The following DLGAP1 variants were observed in gnomAD, a reference collection of about 807,000 sequenced individuals.
DLGAP1 encodes DLG associated protein 1, also known as disks large-associated protein 1.
Under a neutral mutation model 90.8 loss-of-function variants are expected in DLGAP1, and 11 were observed. The ratio of observed to expected loss-of-function variants is 0.12; its 90% confidence interval spans 0.08 to 0.20. The LOEUF (loss-of-function observed/expected upper bound fraction) is 0.20. DLGAP1 is among the 10% of genes least tolerant of loss of function. The pLI is 1.00. For synonymous variants in DLGAP1, 558 were observed against 540.7 expected (o/e 1.03, Z -0.44); for missense variants, 1,050 against 1,333.8 (o/e 0.79, Z 3.31).
chr18:3,992,268 T>A (rs1018372102), intron 3 of DLGAP1, among the ~76,000 whole-genome samples: 1 of 152,250 alleles, frequency 6.6e-6, no homozygotes, highest in Non-Finnish European at 1.5e-5. Flanking sequence ...TAGGGAAGTC[T>A]GCAGGCCCTA....
chr18:3,597,788 T>TTGCCGAGAG, intron 7 of DLGAP1: 1 of 156,734 alleles, frequency 6.4e-6, no homozygotes. Flanking sequence ...CACCGTTCCT[T>TTGCCGAGAG]CCTGTTGGTG....
Position 3,739,882 on chromosome 18 carries a change from AC to A in DLGAP1, c.1350+2452del, listed in dbSNP as rs571629472. Among the ~76,000 whole-genome samples the A allele has an allele frequency of 3.4e-4, 52 of 152,354 alleles. 2 individuals are homozygous for A. The South Asian group carries it at 9.7e-3, about 28-fold the overall frequency. On this transcript the variant is annotated intron_variant, in intron 6 of 12. Transcript: ENST00000315677. ...CAGCTGGCCATTCTTTCTGTATTTT[AC>A]CTAAGGCCGAATGGCTACGTCATGG...
chr18:4,141,204 G>T (rs1209604366), intron 2 of DLGAP1, among the ~76,000 whole-genome samples: 1 of 151,808 alleles, frequency 6.6e-6, no homozygotes, highest in Non-Finnish European at 1.5e-5. Flanking sequence ...TCTAGATCTT[G>T]TAGGTATACT....
chr18:4,170,577 T>C (rs2077006375), intron 1 of DLGAP1, among the ~76,000 whole-genome samples: 1 of 151,914 alleles, frequency 6.6e-6, no homozygotes, highest in African/African-American at 2.4e-5. Context: ...ATATGAGATA[T>C]AAGAGATAGG....
chr18:3,804,630 A>G (rs919151882), intron 5 of DLGAP1, among the ~76,000 whole-genome samples: 6 of 152,176 alleles, frequency 3.9e-5, no homozygotes, highest in African/African-American at 1.2e-4. Context: ...TGAAGAGAAC[A>G]CAGACGCAGT....
intron 4 of DLGAP1, chr18:3,845,359 G>T: frequency 6.5e-7 from 1 of 1,542,498 alleles, no homozygotes; most frequent in South Asian, 1.2e-5. Context: ...GATTCTAAGT[G>T]GTTGAGTGAG....
At chr18:3,821,100 C>T (rs1302060710) in intron 4 of DLGAP1, among the ~76,000 whole-genome samples, 1 of 152,044 alleles carries the variant, frequency 6.6e-6, no homozygotes, top group African/African-American at 2.4e-5. Context: ...GCCTAGGCAA[C>T]ATAGCAAGAC....
At chr18:4,058,012 C>G (rs866560026) in intron 2 of DLGAP1, among the ~76,000 whole-genome samples, 2 of 152,180 alleles carry the variant, frequency 1.3e-5, no homozygotes, top group African/African-American at 2.4e-5. Context: ...ACCCTGGAGT[C>G]TGCACTAAGT....
intron 1 of DLGAP1, among the ~76,000 whole-genome samples, chr18:4,360,907 C>A (rs774597245): frequency 3.0e-4 from 46 of 151,948 alleles, no homozygotes; most frequent in Non-Finnish European, 5.7e-4. Context: ...TTGAACCCAA[C>A]AGGCAGCCAT....
chr18:3,878,129 G>A (rs2071049801), intron 4 of DLGAP1: 1 of 151,804 alleles, frequency 6.6e-6, no homozygotes, highest in Admixed American at 6.6e-5. Context: ...GTGTAAAATG[G>A]GAGTGGGTAT....
rs192849925 is a variant in DLGAP1, at chr18:3,834,468, T to A, written c.958-20195A>T. On this transcript the variant is annotated intron_variant, in intron 4 of 12. Transcript: ENST00000315677. ...GTTAATATAGTACAAAGTAGCTTCA[T>A]TAAAGAAAGAGTTTTGATTTGATTC... is the stretch of plus-strand genomic sequence containing the variant. Among the ~76,000 whole-genome samples the A allele has an allele frequency of 9.0e-4, 137 of 152,250 alleles. 1 individual carries two copies. The highest frequency in any genetic ancestry group is 2.6e-4 in the Non-Finnish European group (18 of 68,024).
chr18:3,688,008 C>T (rs1401382083), intron 7 of DLGAP1, among the ~76,000 whole-genome samples: 1 of 150,200 alleles, frequency 6.7e-6, no homozygotes, highest in Non-Finnish European at 1.5e-5. Context: ...CCAGGTTCAA[C>T]TGATTCTCCT....
chr18:3,797,061 C>T (rs554059359), intron 5 of DLGAP1, among the ~76,000 whole-genome samples: 8 of 152,212 alleles, frequency 5.3e-5, no homozygotes, highest in South Asian at 4.1e-4. Flanking sequence ...AGGCCAGGCA[C>T]GGTGGCTCCT....
chr18:3,699,051 T>G (rs554774529), intron 7 of DLGAP1, among the ~76,000 whole-genome samples: 3 of 152,126 alleles, frequency 2.0e-5, no homozygotes, highest in African/African-American at 7.2e-5. Context: ...TCTAACCTTT[T>G]TTCAAGGTTC....
Position 3,947,189 on chromosome 18 carries a change from G to T in DLGAP1, c.-73+57927C>A, listed in dbSNP as rs1365487701. On this transcript the variant is annotated intron_variant, in intron 3 of 12. Transcript: ENST00000315677. ...TAGACCAGTGTTTTTTACAACCTAA[G>T]ATCTTTTTAGGGGATTGTTCCTACC... 3.3e-5 allele frequency among the ~76,000 whole-genome samples: 5 copies of T among 152,116 alleles called. No homozygotes were observed. The East Asian group carries it at 7.7e-4, about 24-fold the overall frequency.
Position 3,760,830 on chromosome 18 carries a change from T to TG in DLGAP1, c.1173-18319dup, listed in dbSNP as rs541451326. 6.0e-4 allele frequency among the ~76,000 whole-genome samples: 91 copies of TG among 152,270 alleles called. 3 individuals carry two copies. The East Asian group carries it at 0.011, about 19-fold the overall frequency. On this transcript the variant is annotated intron_variant, in intron 5 of 12. Coordinates refer to ENST00000315677, the MANE Select transcript of DLGAP1 (RefSeq NM_004746.4). ...ATCCAGATAAAAATGTGATTTTCTG[T>TG]GGGGGGTGGTTCCCTGTAGCATAAA...
At chr18:3,673,288 T>C (rs1371274464) in intron 7 of DLGAP1, among the ~76,000 whole-genome samples, 2 of 152,164 alleles carry the variant, frequency 1.3e-5, no homozygotes, top group African/African-American at 2.4e-5. Context: ...TCTACTGCAT[T>C]CTTTTAACAC....
intron 2 of DLGAP1, among the ~76,000 whole-genome samples, chr18:4,147,503 GT>G (rs917987387): frequency 2.0e-5 from 3 of 152,070 alleles, no homozygotes; most frequent in Non-Finnish European, 4.4e-5. Context: ...AGCCAGAGTA[GT>G]TTTTTTGTAA....
Position 3,749,891 on chromosome 18 carries a change from C to CA in DLGAP1, c.1173-7380dup, listed in dbSNP as rs749343155. On this transcript the variant is annotated intron_variant, in intron 5 of 12. Coordinates refer to ENST00000315677, the MANE Select transcript of DLGAP1 (RefSeq NM_004746.4). ...ATCCTGTCTCTTTTTCTTAACTGTCCAAATCCAGCTGATAATCATATTTTC... is the reference window on the plus strand; with the variant it reads ...ATCCTGTCTCTTTTTCTTAACTGTCCAAAATCCAGCTGATAATCATATTTTC... Among the ~76,000 whole-genome samples, 9 of 152,258 alleles carry CA rather than the reference C, an allele frequency of 5.9e-5. No homozygotes were observed. In the East Asian group the frequency reaches 7.7e-4, roughly 13 times the overall value.
Sources: gnomAD v4.1 joint callset for allele counts (sites outside exome capture counted in the v4.1 genomes callset) on GRCh38, gnomAD v4.1.1 for gene constraint, MANE v1.5 for transcripts, NCBI Gene and HGNC (gene_info 2026-07-23, HGNC 2026-07-21) for gene names.